PTPRG: variants seen among roughly 807,000 people sequenced by gnomAD.
The protein encoded by PTPRG is protein tyrosine phosphatase receptor type G, also known as receptor-type tyrosine-protein phosphatase gamma.
In PTPRG, 102 loss-of-function variants were observed where a neutral mutation model predicts 165.3. The observed-to-expected ratio is 0.62, with a 90% CI of 0.53 to 0.73. The LOEUF is 0.73. PTPRG is among the 30% of genes least tolerant of loss of function. PTPRG has a pLI of 0.00. For missense variants in PTPRG, 1,866 were observed against 1,861.4 expected, an observed-to-expected ratio of 1.00 and a Z score of -0.05; for synonymous variants, 675 against 669.5, an observed-to-expected ratio of 1.01 and a Z score of -0.13.
intron 8 of PTPRG, among the ~76,000 whole-genome samples, chr3:62,181,119 G>T (rs991448801): frequency 4.6e-5 from 7 of 152,308 alleles, no homozygotes; most frequent in Admixed American, 3.9e-4. Flanking sequence ...AGAAAAGTCC[G>T]CAGGTAACAG....
intron 17 of PTPRG, chr3:62,263,621 C>T (rs1350167047): frequency 6.6e-6 from 1 of 152,212 alleles, no homozygotes; most frequent in Non-Finnish European, 1.5e-5. Flanking sequence ...GAATTGTATA[C>T]AATAGTGCAT....
At chr3:62,171,258 T>C (rs1705204520) in intron 8 of PTPRG, among the ~76,000 whole-genome samples, 1 of 152,206 alleles carries the variant, frequency 6.6e-6, no homozygotes, top group Admixed American at 6.5e-5. Context: ...ATATCTCTAT[T>C]GGGCATACAC....
At chr3:62,253,847 G>GCT (rs1553659353) in intron 15 of PTPRG, among the ~76,000 whole-genome samples, 1 of 152,130 alleles carries the variant, frequency 6.6e-6, no homozygotes, top group Non-Finnish European at 1.5e-5. Context: ...CACACAGGAA[G>GCT]AATTTGTACT....
intron 2 of PTPRG, among the ~76,000 whole-genome samples, chr3:61,865,878 GATTCAGCAGTTGCTCAA>G (rs2037392097): frequency 2.6e-5 from 4 of 152,210 alleles, no homozygotes; most frequent in African/African-American, 9.6e-5. Flanking sequence ...AAAATGCTGA[GATTCAGCAGTTGCTCAA>G]AAGGCACTGA....
intron 2 of PTPRG, among the ~76,000 whole-genome samples, chr3:61,884,560 G>T (rs1335508664): frequency 1.3e-5 from 2 of 152,202 alleles, no homozygotes; most frequent in African/African-American, 4.8e-5. Context: ...AAAGTGAGAA[G>T]ATACAAGGTT....
intron 1 of PTPRG, among the ~76,000 whole-genome samples, chr3:61,737,190 C>T (rs560177719): frequency 5.5e-4 from 83 of 151,850 alleles, no homozygotes; most frequent in Non-Finnish European, 1.1e-3. Context: ...TCCCTGCCTC[C>T]TCTCTCTCTC....
intron 2 of PTPRG, among the ~76,000 whole-genome samples, chr3:61,862,155 CT>C (rs1010083207): frequency 4.6e-5 from 7 of 152,114 alleles, no homozygotes; most frequent in Admixed American, 4.6e-4. Context: ...CTGTTGTGAA[CT>C]GCTCATGCCA....
intron 4 of PTPRG, among the ~76,000 whole-genome samples, chr3:62,036,042 A>G (rs939321471): frequency 5.6e-5 from 8 of 142,252 alleles, no homozygotes; most frequent in Non-Finnish European, 1.1e-4. Flanking sequence ...TGTGTCAGTG[A>G]CCAAAAAAAA....
intron 2 of PTPRG, among the ~76,000 whole-genome samples, chr3:61,889,401 T>G (rs951826436): frequency 1.3e-5 from 2 of 152,230 alleles, no homozygotes; most frequent in Admixed American, 6.5e-5. Context: ...TTGGCGAGTG[T>G]GCTCTCTTCA....
chr3:61,617,766 CTT>C (rs1701336625), intron 1 of PTPRG, among the ~76,000 whole-genome samples: 2 of 149,820 alleles, frequency 1.3e-5, no homozygotes, highest in South Asian at 4.1e-4. Flanking sequence ...AAAACGGTCT[CTT>C]TACTTCTGTG....
chr3:62,186,676 C>T (rs993186775), intron 8 of PTPRG, among the ~76,000 whole-genome samples: 4 of 148,582 alleles, frequency 2.7e-5, no homozygotes, highest in African/African-American at 1.0e-4. Context: ...AAGTGATCTT[C>T]CACCTTAGCC....
At chr3:61,647,350 A>G (rs1408062381) in intron 1 of PTPRG, among the ~76,000 whole-genome samples, 1 of 152,172 alleles carries the variant, frequency 6.6e-6, no homozygotes, top group African/African-American at 2.4e-5. Context: ...AGCACCATAC[A>G]CATACTATCT....
intron 1 of PTPRG, chr3:61,742,392 T>G: frequency 8.0e-7 from 1 of 1,245,514 alleles, no homozygotes; most frequent in Non-Finnish European, 1.1e-6. Context: ...AATTGGGCCT[T>G]TGGGTCTGGA....
intron 3 of PTPRG, among the ~76,000 whole-genome samples, chr3:61,994,635 GTTTAC>G (rs1223028734): frequency 2.0e-5 from 3 of 152,202 alleles, no homozygotes; most frequent in African/African-American, 7.2e-5. Flanking sequence ...GTTGCATTGA[GTTTAC>G]TTTACCTGGC....
chr3:61,868,446 C>T (rs904899955), intron 2 of PTPRG, among the ~76,000 whole-genome samples: 1 of 152,194 alleles, frequency 6.6e-6, no homozygotes, highest in Admixed American at 6.5e-5. Flanking sequence ...AGCTCCCTGG[C>T]CTCTCTGCTG....
chr3:61,770,311 A>AAG (rs2034170542), intron 2 of PTPRG: 1 of 152,202 alleles, frequency 6.6e-6, no homozygotes, highest in Non-Finnish European at 1.5e-5. Context: ...ATTTTTAGAC[A>AAG]CTGGCTACCT....
At chr3:62,181,594 G>A (rs1019663311) in intron 8 of PTPRG, among the ~76,000 whole-genome samples, 2 of 152,122 alleles carry the variant, frequency 1.3e-5, no homozygotes, top group Admixed American at 1.3e-4. Flanking sequence ...TCCTTAAAAA[G>A]CGTGTAATTA....
chr3:62,076,624 C>T (rs1701396710), intron 4 of PTPRG, among the ~76,000 whole-genome samples: 2 of 151,244 alleles, frequency 1.3e-5, no homozygotes, highest in African/African-American at 4.9e-5. Context: ...TCTTGTTGCC[C>T]AGGCTGGAGT....
intron 1 of PTPRG, among the ~76,000 whole-genome samples, chr3:61,614,182 C>G (rs976689132): frequency 6.6e-6 from 1 of 152,168 alleles, no homozygotes; most frequent in Non-Finnish European, 1.5e-5. Context: ...GCCTTCATGG[C>G]TGGGATGGTT....
Sources: allele counts gnomAD v4.1 joint callset (sites outside exome capture counted in the v4.1 genomes callset), GRCh38; gene constraint gnomAD v4.1.1; transcripts MANE v1.5; gene names NCBI Gene and HGNC (gene_info 2026-07-23, HGNC 2026-07-21).